Variants in PRKCZ observed in about 807,000 individuals in gnomAD.
PRKCZ encodes protein kinase C zeta.
In PRKCZ, 33 loss-of-function variants were observed where a neutral mutation model predicts 79.5. The observed-to-expected ratio is 0.41, with a 90% CI of 0.31 to 0.55. PRKCZ has a LOEUF of 0.55. Ranked by LOEUF, PRKCZ falls within the 20% of genes least tolerant of loss-of-function variation. The pLI is 0.19. For missense variants in PRKCZ, 578 were observed against 813.5 expected (o/e 0.71, Z 3.52); for synonymous variants, 342 against 320.9 (o/e 1.07, Z -0.70).
chr1:2,176,542 A>T (rs976307762), intron 16 of PRKCZ, among the ~76,000 whole-genome samples: 1 of 152,220 alleles, frequency 6.6e-6, no homozygotes, highest in African/African-American at 2.4e-5. Flanking sequence ...AGAGCTACTG[A>T]AATAAAACCT....
chr1:2,180,894 C>T (rs1417681710), intron 16 of PRKCZ, among the ~76,000 whole-genome samples: 2 of 152,166 alleles, frequency 1.3e-5, no homozygotes, highest in Non-Finnish European at 2.9e-5. Flanking sequence ...CAGGGACCTC[C>T]TCTCATCATT....
At position 2,168,359 on chromosome 1, in the gene PRKCZ, T is replaced by C. The variant is rs1261538395; in HGVS notation, c.975-1159T>C. 6.6e-6 allele frequency among the ~76,000 whole-genome samples: 1 copy of C among 152,136 alleles called. No homozygotes were observed. The highest frequency in any genetic ancestry group is 1.5e-5 in the Non-Finnish European group (1 of 68,030). ...CCAGAGAATTTCCAGGCACATCCGT[T>C]GGAGGCAGGGGAGACAACAAAAGCC... On this transcript the variant is annotated intron_variant, in intron 10 of 17. Transcript: ENST00000378567. The surrounding 1 kb of genome is among the most constrained non-coding windows in gnomAD (Gnocchi z 4.7).
chr1:2,065,495 A>G (rs2803293), intron 4 of PRKCZ, among the ~76,000 whole-genome samples: 77,488 of 151,836 alleles, frequency 0.51, 23,832 homozygotes, highest in East Asian at 0.95. Context: ...TGGTTAACAC[A>G]GTGAAACCCC....
intron 4 of PRKCZ, among the ~76,000 whole-genome samples, chr1:2,092,107 C>T (rs1441529398): frequency 3.9e-5 from 6 of 152,290 alleles, no homozygotes; most frequent in South Asian, 2.1e-4. Flanking sequence ...GCAGGCATCG[C>T]GCTTCTCCCC....
In PRKCZ at chr1:2,148,907, A is replaced by T; in HGVS notation, c.670A>T (p.Ile224Phe). The T allele has an allele frequency of 1.2e-6, 2 of 1,613,942 alleles. No homozygotes were observed. Among genetic ancestry groups the T allele is most frequent in the Non-Finnish European group, 1.7e-6 (2 of 1,179,880 alleles). Reference sequence around the variant, plus strand: ...TTCCTCATCCCGGAAGCATGACAGCATTAAAGACGACTCGGAGGTGAGTGT... The same window carrying T: ...TTCCTCATCCCGGAAGCATGACAGCTTTAAAGACGACTCGGAGGTGAGTGT... ...YISSSRKHDSIKDDSEDLKPV... is the reference protein window; with the variant it reads ...YISSSRKHDSFKDDSEDLKPV... Residue 224 changes from isoleucine (I) to phenylalanine (F), a missense_variant, in exon 8 of 18, where the codon ATT (isoleucine) becomes TTT (phenylalanine). Ile to Phe is a conservative substitution (Grantham distance 21, BLOSUM62 0). Around this residue, in one of 4 missense-constraint regions of PRKCZ, gnomAD observed 91 missense variants for 97.5 expected, o/e 0.93. Coordinates refer to ENST00000378567, the MANE Select transcript of PRKCZ (RefSeq NM_002744.6).
intron 8 of PRKCZ, among the ~76,000 whole-genome samples, chr1:2,150,467 C>T (rs1679666934): frequency 6.6e-6 from 1 of 152,206 alleles, no homozygotes; most frequent in South Asian, 2.1e-4. Flanking sequence ...GTGGCCACCT[C>T]TTCAGCCCCA....
At chr1:2,167,824 C>T (rs1291849094) in intron 10 of PRKCZ, among the ~76,000 whole-genome samples, 2 of 152,122 alleles carry the variant, frequency 1.3e-5, no homozygotes, top group Admixed American at 6.5e-5. Flanking sequence ...AGGATGGTCT[C>T]GAACTCCTGA....
intron 4 of PRKCZ, among the ~76,000 whole-genome samples, chr1:2,124,357 G>GGTA (rs1557628044): frequency 1.2e-4 from 2 of 16,204 alleles, no homozygotes; most frequent in African/African-American, 9.1e-4. Context: ...TCACGGCGGT[G>GGTA]GTTAGGGTCA....
intron 4 of PRKCZ, among the ~76,000 whole-genome samples, chr1:2,077,196 G>T (rs928676572): frequency 6.6e-6 from 1 of 152,246 alleles, no homozygotes; most frequent in Non-Finnish European, 1.5e-5. Context: ...GGGCACACAG[G>T]AGAGTTTACA....
chr1:2,093,956 C>T (rs1665968606), intron 4 of PRKCZ, among the ~76,000 whole-genome samples: 1 of 152,060 alleles, frequency 6.6e-6, no homozygotes, highest in South Asian at 2.1e-4. Flanking sequence ...GCAGAGGGAG[C>T]CAGGCCAGCA....
At chr1:2,107,957 G>T (rs1265507766) in intron 4 of PRKCZ, among the ~76,000 whole-genome samples, 1 of 149,564 alleles carries the variant, frequency 6.7e-6, no homozygotes, top group Non-Finnish European at 1.5e-5. Flanking sequence ...CCCTGGCAGT[G>T]TCAAGGGAGC....
chr1:2,132,497 G>T (rs763780495), intron 4 of PRKCZ, among the ~76,000 whole-genome samples: 9 of 152,172 alleles, frequency 5.9e-5, no homozygotes, highest in Non-Finnish European at 1.2e-4. Context: ...AAGGTGTTTG[G>T]GGCTGCGGGG....
At chr1:2,137,585 GCCT>G (rs77364590) in intron 5 of PRKCZ, among the ~76,000 whole-genome samples, 28,608 of 151,992 alleles carry the variant, frequency 0.19, 2,945 homozygotes, top group Middle Eastern at 0.29. Context: ...TCTCCACATG[GCCT>G]CCTCTGTATC....
chr1:2,055,536 T>C lies in PRKCZ; in HGVS notation c.167T>C (p.Leu56Pro), dbSNP rs1351375256. Residue 56 changes from leucine (L) to proline (P), a missense_variant, in exon 2 of 18, where the codon CTC becomes CCC. Leu to Pro is a moderately conservative substitution (Grantham distance 98). Transcript: ENST00000378567. ...DMCRLHQQHP[L>P]TLKWVDSEGD... ...TGTCGTCTGCACCAGCAGCACCCGCTCACCCTCAAGTGGGTGGACAGCGAA... is the reference window on the plus strand; with the variant it reads ...TGTCGTCTGCACCAGCAGCACCCGCCCACCCTCAAGTGGGTGGACAGCGAA... 1 of 1,613,926 alleles carries C rather than the reference T, an allele frequency of 6.2e-7. No homozygotes were observed. Among genetic ancestry groups the C allele is most frequent in the Non-Finnish European group, 8.5e-7 (1 of 1,179,978 alleles).
chr1:2,096,835 A>G (rs1013549339), intron 4 of PRKCZ, among the ~76,000 whole-genome samples: 1 of 152,144 alleles, frequency 6.6e-6, no homozygotes, highest in African/African-American at 2.4e-5. Context: ...TCTGCAACAA[A>G]TCTCCAGCCT....
intron 4 of PRKCZ, among the ~76,000 whole-genome samples, chr1:2,102,119 C>T (rs1449607692): frequency 2.0e-5 from 3 of 152,102 alleles, no homozygotes; most frequent in Non-Finnish European, 4.4e-5. Context: ...GACTTCCATA[C>T]TGGGGGCCAG....
intron 4 of PRKCZ, among the ~76,000 whole-genome samples, chr1:2,102,932 T>A (rs759673193): frequency 2.6e-5 from 4 of 151,886 alleles, no homozygotes; most frequent in African/African-American, 4.8e-5. Context: ...CAGGCTGGAG[T>A]ACAGTGGTAC....
intron 1 of PRKCZ, among the ~76,000 whole-genome samples, chr1:2,052,497 A>T (rs540666395): frequency 1.6e-5 from 2 of 128,284 alleles, no homozygotes; most frequent in African/African-American, 6.1e-5. Flanking sequence ...CTTCCCTGCC[A>T]CACCTCTTCC....
intron 7 of PRKCZ, among the ~76,000 whole-genome samples, chr1:2,147,526 T>A (rs1264309596): frequency 1.3e-5 from 2 of 151,162 alleles, no homozygotes; most frequent in Non-Finnish European, 3.0e-5. Context: ...CATCTATCTG[T>A]TGTCCACTGA....
Sources: gnomAD v4.1 joint callset for allele counts (sites outside exome capture counted in the v4.1 genomes callset) on GRCh38, gnomAD v4.1.1 for gene constraint, gnomAD v4.1.1 regional missense constraint, Gnocchi (gnomAD v3.1) non-coding constraint, MANE v1.5 for transcripts, NCBI Gene and HGNC (gene_info 2026-07-23, HGNC 2026-07-21) for gene names.